ACE: variants seen among roughly 807,000 people sequenced by gnomAD.
ACE encodes angiotensin I converting enzyme, also known as angiotensin-converting enzyme.
ACE carries 122 observed loss-of-function variants against 162.3 expected under a neutral mutation model. The observed-to-expected ratio is 0.75, with a 90% CI of 0.65 to 0.87. The LOEUF (loss-of-function observed/expected upper bound fraction) is 0.87. Among genes scored for constraint, ACE ranks in the 40% least tolerant of loss-of-function variants. The pLI is 0.00. For synonymous variants in ACE, 796 were observed against 720.6 expected, an observed-to-expected ratio of 1.10 and a Z score of -1.68; for missense variants, 1,799 against 1,735.1, an observed-to-expected ratio of 1.04 and a Z score of -0.65.
chr17:63,483,630 A>T, intron 10 of ACE, 72 bp downstream of exon 10: 1 of 1,374,750 alleles, frequency 7.3e-7, no homozygotes, highest in Non-Finnish European at 1.0e-6. Context: ...CTGTGATCCT[A>T]GCTGCCTCAT....
chr17:63,480,207 A>AC, intron 4 of ACE, 130 bp from the exon 5 acceptor site: 1 of 1,035,928 alleles, frequency 9.7e-7, no homozygotes, highest in East Asian at 2.6e-5. Flanking sequence ...TAGAGTGGCA[A>AC]CCCCCAAGCC....
intron 22 of ACE, among the ~76,000 whole-genome samples, chr17:63,495,389 C>T (rs1193800913): frequency 1.3e-5 from 2 of 152,216 alleles, no homozygotes; most frequent in Admixed American, 1.3e-4. Flanking sequence ...CTGTGGCTGC[C>T]TCTGGCCCTG....
Position 63,493,455 on chromosome 17 carries a change from G to T in ACE, c.2932G>T (p.Val978Leu). 6.2e-7 allele frequency: 1 copy of T among 1,614,068 alleles called. No individual in the cohort carries two copies. Among genetic ancestry groups the T allele is most frequent in the Non-Finnish European group, 8.5e-7 (1 of 1,180,014 alleles). Residue 978 changes from valine to leucine, a missense_variant, in exon 20 of 25, where the codon GTG becomes TTG. By Grantham distance (32) the Val-to-Leu change is conservative. Transcript: ENST00000290866. ...KDFRIKQCTT[V>L]NLEDLVVAHH... is the part of the protein sequence containing the mutation. ...TCCTAGGATCAAGCAGTGCACCACC[G>T]TGAACTTGGAGGACCTGGTGGTGGC...
chr17:63,485,130 G>A (rs943555002), intron 12 of ACE, 106 bp from the exon 13 acceptor site: 11 of 1,474,378 alleles, frequency 7.5e-6, no homozygotes, highest in African/African-American at 2.1e-5. Flanking sequence ...GGTAGGGACA[G>A]GGCAGGGTAC....
At chr17:63,481,331 G>T (rs575453788) in intron 6 of ACE, 143 bp downstream of exon 6, 2 of 920,404 alleles carry the variant, frequency 2.2e-6, no homozygotes, top group Non-Finnish European at 3.4e-6. Context: ...AGCTGGGGTC[G>T]GCCCCCTCAG....
At chr17:63,486,083 C>T (rs1394081309) in intron 13 of ACE, among the ~76,000 whole-genome samples, 1 of 152,218 alleles carries the variant, frequency 6.6e-6, no homozygotes. Context: ...CCTCTTTACC[C>T]TCATTCCCTG....
At chr17:63,479,508 C>T (rs1365801837) in intron 3 of ACE, among the ~76,000 whole-genome samples, 1 of 152,210 alleles carries the variant, frequency 6.6e-6, no homozygotes, top group Non-Finnish European at 1.5e-5. Context: ...CGCTAAGTGT[C>T]TGTCTGGGTT....
rs759696556 is a variant in ACE, at chr17:63,482,673, T to A, written c.1326T>A (p.Arg442=). The A allele has an allele frequency of 2.5e-6, 4 of 1,613,796 alleles. No homozygotes were observed. The South Asian group carries it at 4.4e-5, about 18-fold the overall frequency. Residue 442 remains arginine, a synonymous_variant, in exon 8 of 25, where the codon CGT becomes CGA. Coordinates refer to ENST00000290866, the MANE Select transcript of ACE (RefSeq NM_000789.4). ...EHLHKIGLLD[R]VTNDTESDIN... Reference sequence around the variant, plus strand: ...TGCACAAAATCGGCCTGCTGGACCGTGTCACCAATGACACGGGTATGGGAG... The same window carrying A: ...TGCACAAAATCGGCCTGCTGGACCGAGTCACCAATGACACGGGTATGGGAG...
Position 63,493,703 on chromosome 17 carries a change from A to G in ACE, c.3136+44A>G. ...GCCCTGGTGGGCTGAGGACCAAGAA[A>G]GGGTGGTGAGCTTGGGAGGTGGGAA... On this transcript the variant is annotated intron_variant, in intron 20 of 24. Coordinates refer to ENST00000290866, the MANE Select transcript of ACE (RefSeq NM_000789.4). 2.5e-6 allele frequency: 4 copies of G among 1,602,596 alleles called. No individual in the cohort carries two copies. In the South Asian group the frequency reaches 3.3e-5, roughly 13 times the overall value.
intron 17 of ACE, among the ~76,000 whole-genome samples, chr17:63,489,536 TG>T (rs1256242261): frequency 2.6e-5 from 4 of 152,000 alleles, no homozygotes; most frequent in African/African-American, 7.3e-5. Flanking sequence ...AAGTGGGGGA[TG>T]AGAGGACAGA....
At position 63,491,496 on chromosome 17, in the gene ACE, A is replaced by G. The variant is rs1318949790; in HGVS notation, c.2912+115A>G. On this transcript the variant is annotated intron_variant, in intron 19 of 24. Coordinates refer to ENST00000290866, the MANE Select transcript of ACE (RefSeq NM_000789.4). The surrounding 1 kb of genome is among the most constrained non-coding windows in gnomAD (Gnocchi z 4.4). ...GGAGCCAGCAGGGCAGGATGGGGAC[A>G]GGGCCAGAGTTTGGGACTGAGTGTC... 1 of 1,404,200 alleles carries G rather than the reference A, an allele frequency of 7.1e-7. No homozygotes were observed. Among genetic ancestry groups the G allele is most frequent in the Non-Finnish European group, 9.9e-7 (1 of 1,005,750 alleles). The allele number at this position is 1,404,200 out of a possible 1,614,324, so 87.0% of individuals were successfully genotyped here.
At position 63,483,481 on chromosome 17, in the gene ACE, TC is replaced by T. The variant is rs1568038811; in HGVS notation, c.1511del (p.Pro504LeufsTer21). On this transcript the variant is annotated frameshift_variant, in exon 10 of 25. Transcript: ENST00000290866. LOFTEE classifies it high-confidence loss of function. ...YLRTKYQGICPPVTRNETHFD... is the reference protein window; with the variant it reads ...YLRTKYQGICXPVTRNETHFD... ...CCAGAACCAAGTATCAGGGGATCTG[TC>T]CTCCTGTTACCCGAAACGAAACCCA... is the stretch of plus-strand genomic sequence containing the variant. 5.6e-6 allele frequency: 9 copies of T among 1,613,928 alleles called. No homozygotes were observed. The highest frequency in any genetic ancestry group is 5.0e-5 in the Admixed American group (3 of 60,008).
rs965617029 is a variant in ACE, at chr17:63,493,902, T to G, written c.3137-20T>G. ...CCGCTAGGACCCTGGGTCTGACAGC[T>G]GGGCTCCCTTCCCTTGCAGAGCATG... On this transcript the variant is annotated intron_variant, in intron 20 of 24. Coordinates refer to ENST00000290866, the MANE Select transcript of ACE (RefSeq NM_000789.4). The G allele has an allele frequency of 1.2e-6, 2 of 1,614,036 alleles. No individual in the cohort carries two copies. The highest frequency in any genetic ancestry group is 8.5e-7 in the Non-Finnish European group (1 of 1,180,038).
chr17:63,487,316 ACTCT>A (rs553288543), intron 15 of ACE, among the ~76,000 whole-genome samples: 1 of 151,140 alleles, frequency 6.6e-6, no homozygotes, highest in Non-Finnish European at 1.5e-5. Flanking sequence ...AAGGGTGTCC[ACTCT>A]CTCCTGTCCT....
intron 10 of ACE, 56 bp from the exon 11 acceptor site, chr17:63,483,793 G>A: frequency 6.2e-7 from 1 of 1,612,710 alleles, no homozygotes; most frequent in South Asian, 1.1e-5. Flanking sequence ...CCTGGGTAAG[G>A]AACCCCTGTT....
At chr17:63,490,158 G>C (rs1358009279) in intron 17 of ACE, 1 of 152,946 alleles carries the variant, frequency 6.5e-6, no homozygotes, top group Non-Finnish European at 1.5e-5. Context: ...CTCTCTCACT[G>C]GTTTGCACTT....
At position 63,491,034 on chromosome 17, in the gene ACE, G is replaced by A. The variant is rs747159428; in HGVS notation, c.2722G>A (p.Glu908Lys). The change falls in exon 18 of 25, where the codon GAG becomes AAG. Residue 908 changes from glutamate (E) to lysine (K), a missense_variant. By Grantham distance (56) the Glu-to-Lys change is moderately conservative. Transcript: ENST00000290866. This position sits in a 1 kb window ranked among gnomAD's most constrained non-coding sequence, Gnocchi z 4.4. The stretch of plus-strand genomic sequence containing the variant: ...TTCAGCCCCCTCGATGGACACCACA[G>A]AGGCTATGCTAAAGCAGGTCCGCAC... ...FPSAPSMDTTEAMLKQGWTPR... is the reference protein window; with the variant it reads ...FPSAPSMDTTKAMLKQGWTPR... 5 of 1,614,208 alleles carry A rather than the reference G, an allele frequency of 3.1e-6. No individual in the cohort carries two copies. In the East Asian group the frequency reaches 8.9e-5, roughly 29 times the overall value.
chr17:63,479,066 C>T lies in ACE; in HGVS notation c.477C>T (p.Pro159=), dbSNP rs201285321. Residue 159 remains proline (P), a synonymous_variant, in exon 3 of 25, where the codon CCC becomes CCT. Coordinates refer to ENST00000290866, the MANE Select transcript of ACE (RefSeq NM_000789.4). ...RIYSTAKVCL[P]NKTATCWSLD... ...ACTCCACCGCCAAGGTCTGCCTCCC[C>T]AACAAGACTGCCACCTGCTGGTCCC... 158 of 1,613,646 alleles carry T rather than the reference C, an allele frequency of 9.8e-5. No individual in the cohort carries two copies. The East Asian group carries it at 3.4e-3, about 34-fold the overall frequency.
Position 63,496,929 on chromosome 17 carries a change from A to G in ACE, c.3635A>G (p.Asn1212Ser), listed in dbSNP as rs574717474. The change falls in exon 24 of 25, where the codon AAC becomes AGC. Residue 1212 changes from asparagine to serine, a missense_variant. Coordinates refer to ENST00000290866, the MANE Select transcript of ACE (RefSeq NM_000789.4). ...CTGCTGGACTGGCTCCGCACGGAGA[A>G]CGAGCTGCATGGGGAGAAGCTGGGC... ...KPLLDWLRTE[N>S]ELHGEKLGWP... The G allele has an allele frequency of 1.2e-6, 2 of 1,613,444 alleles. No homozygotes were observed. Among genetic ancestry groups the G allele is most frequent in the Non-Finnish European group, 1.7e-6 (2 of 1,179,986 alleles).
Sources: gnomAD v4.1 joint callset for allele counts (sites outside exome capture counted in the v4.1 genomes callset) on GRCh38, gnomAD v4.1.1 for gene constraint, Gnocchi (gnomAD v3.1) non-coding constraint, MANE v1.5 for transcripts, NCBI Gene and HGNC (gene_info 2026-07-23, HGNC 2026-07-21) for gene names.